Variants in TLK1 observed in about 807,000 individuals in gnomAD.
TLK1 encodes the protein serine/threonine-protein kinase tousled-like 1.
TLK1 carries 24 observed loss-of-function variants against 105.3 expected under a neutral mutation model. That is an observed-to-expected ratio of 0.23 (90% CI 0.17 to 0.32). The LOEUF (loss-of-function observed/expected upper bound fraction) is 0.32. TLK1 is among the 10% of genes least tolerant of loss of function. The pLI is 1.00. For synonymous variants in TLK1, 321 were observed against 310.4 expected, an observed-to-expected ratio of 1.03 and a Z score of -0.36; for missense variants, 558 against 910.5, an observed-to-expected ratio of 0.61 and a Z score of 4.98.
intron 10 of TLK1, among the ~76,000 whole-genome samples, chr2:171,046,651 T>C (rs1035584084): frequency 3.3e-5 from 5 of 152,180 alleles, no homozygotes; most frequent in Non-Finnish European, 4.4e-5. Flanking sequence ...ATTATTCCTA[T>C]AGATACTTTA....
At chr2:171,229,447 A>G (rs964023666) in intron 1 of TLK1, among the ~76,000 whole-genome samples, 7 of 152,132 alleles carry the variant, frequency 4.6e-5, no homozygotes, top group East Asian at 1.9e-4. Flanking sequence ...AGAGAATCCA[A>G]CTGTTGCCAT....
At chr2:171,197,679 C>T (rs892130799) in intron 1 of TLK1, among the ~76,000 whole-genome samples, 1 of 151,858 alleles carries the variant, frequency 6.6e-6, no homozygotes, top group African/African-American at 2.4e-5. Context: ...TTCAGGAGGC[C>T]GAGGCAAGAG....
chr2:171,054,346 T>A (rs1436991849), intron 7 of TLK1: 1 of 152,368 alleles, frequency 6.6e-6, no homozygotes, highest in Non-Finnish European at 1.5e-5. Flanking sequence ...GTAGCCCCTA[T>A]GATGTATAAT....
At chr2:171,117,344 A>G (rs1387885571) in intron 2 of TLK1, among the ~76,000 whole-genome samples, 2 of 152,186 alleles carry the variant, frequency 1.3e-5, no homozygotes, top group African/African-American at 2.4e-5. Context: ...GGTTACTAAC[A>G]GGACTGGTAC....
At chr2:171,076,671 G>A (rs898900321) in intron 3 of TLK1, among the ~76,000 whole-genome samples, 3 of 151,304 alleles carry the variant, frequency 2.0e-5, no homozygotes, top group East Asian at 3.9e-4. Flanking sequence ...AGGCCGAGGC[G>A]GGCGGATCAC....
intron 1 of TLK1, among the ~76,000 whole-genome samples, chr2:171,217,164 G>T (rs552030078): frequency 6.6e-6 from 1 of 152,346 alleles, no homozygotes; most frequent in East Asian, 1.9e-4. Flanking sequence ...CATTCATTCA[G>T]AGCCTGGCAT....
chr2:171,181,465 G>A (rs993120880), intron 1 of TLK1, among the ~76,000 whole-genome samples: 1 of 152,164 alleles, frequency 6.6e-6, no homozygotes, highest in African/African-American at 2.4e-5. Flanking sequence ...TGCTCTAAAG[G>A]AATGCCTGAG....
At chr2:171,079,950 A>G (rs1046837715) in intron 3 of TLK1, among the ~76,000 whole-genome samples, 11 of 152,244 alleles carry the variant, frequency 7.2e-5, no homozygotes, top group Non-Finnish European at 1.6e-4. Context: ...TAGGGTATGC[A>G]TATTAATTAT....
At chr2:171,033,196 A>T (rs1686130983) in intron 11 of TLK1, among the ~76,000 whole-genome samples, 1 of 151,622 alleles carries the variant, frequency 6.6e-6, no homozygotes, top group Non-Finnish European at 1.5e-5. Flanking sequence ...ACAGAGCAAG[A>T]CCCTGTCTCA....
chr2:171,117,014 C>T (rs903326100), intron 2 of TLK1, among the ~76,000 whole-genome samples: 5 of 152,116 alleles, frequency 3.3e-5, no homozygotes, highest in African/African-American at 1.2e-4. Context: ...TTGAGGTAGA[C>T]AATCTGGGTC....
chr2:171,101,853 G>A (rs10208341), intron 2 of TLK1, among the ~76,000 whole-genome samples: 60,374 of 151,946 alleles, frequency 0.4, 13,587 homozygotes, highest in African/African-American at 0.6. Context: ...AGCAACACAG[G>A]CACATAAGAG....
intron 12 of TLK1, among the ~76,000 whole-genome samples, chr2:171,021,985 C>A (rs1338326592): frequency 1.3e-5 from 2 of 151,718 alleles, no homozygotes; most frequent in Admixed American, 1.3e-4. Flanking sequence ...TGCCTGTAAT[C>A]CCAGCTACTC....
intron 1 of TLK1, among the ~76,000 whole-genome samples, chr2:171,184,248 G>A (rs1692981140): frequency 6.6e-6 from 1 of 152,206 alleles, no homozygotes; most frequent in African/African-American, 2.4e-5. Flanking sequence ...CTGACACCTT[G>A]ATTTTAGCCC....
At chr2:171,108,849 G>A (rs889203401) in intron 2 of TLK1, among the ~76,000 whole-genome samples, 6 of 151,990 alleles carry the variant, frequency 3.9e-5, no homozygotes, top group Admixed American at 6.6e-5. Context: ...ACCTGCCCCC[G>A]CCTCCCAAAG....
At chr2:171,196,084 AAAGG>A (rs1407314803) in intron 1 of TLK1, among the ~76,000 whole-genome samples, 4 of 144,220 alleles carry the variant, frequency 2.8e-5, no homozygotes, top group Admixed American at 6.9e-5. Flanking sequence ...AGGAAGGAGG[AAAGG>A]AAGGAAGGAA....
chr2:171,106,399 C>T (rs1689926121), intron 2 of TLK1, among the ~76,000 whole-genome samples: 1 of 152,178 alleles, frequency 6.6e-6, no homozygotes, highest in Non-Finnish European at 1.5e-5. Context: ...GCTAATTACC[C>T]TGATCTGATC....
chr2:171,152,008 AC>A (rs1406639444), intron 1 of TLK1, among the ~76,000 whole-genome samples: 1 of 152,078 alleles, frequency 6.6e-6, no homozygotes, highest in Admixed American at 6.5e-5. Context: ...CCTCACACAA[AC>A]CCCTCTGACC....
chr2:171,216,764 C>T (rs1219484191), intron 1 of TLK1, among the ~76,000 whole-genome samples: 1 of 152,006 alleles, frequency 6.6e-6, no homozygotes, highest in Non-Finnish European at 1.5e-5. Flanking sequence ...AAAAGACAGC[C>T]ATGTAAAGAC....
At chr2:170,995,747 T>A (rs921318596) in intron 20 of TLK1, among the ~76,000 whole-genome samples, 4 of 152,156 alleles carry the variant, frequency 2.6e-5, no homozygotes, top group African/African-American at 4.8e-5. Context: ...ATGTCGCCCA[T>A]GCAGGAGTGC....
Sources: allele counts gnomAD v4.1 joint callset (sites outside exome capture counted in the v4.1 genomes callset), GRCh38; gene constraint gnomAD v4.1.1; transcripts MANE v1.5; gene names NCBI Gene and HGNC (gene_info 2026-07-23, HGNC 2026-07-21).